Variants in RALYL observed in about 807,000 individuals in gnomAD.
RALYL encodes the protein RNA-binding Raly-like protein.
Under a neutral mutation model 35.1 loss-of-function variants are expected in RALYL, and 29 were observed. That is an observed-to-expected ratio of 0.83 (90% confidence interval 0.61 to 1.13). RALYL has a LOEUF of 1.13. RALYL is among the 50% of genes most tolerant of loss of function. The pLI, the probability that RALYL is intolerant of heterozygous loss-of-function variation, is 0.00. For missense variants in RALYL, 359 were observed against 360.4 expected (o/e 1.00, Z 0.03); for synonymous variants, 120 against 127.6 (o/e 0.94, Z 0.40).
chr8:84,628,673 G>T (rs182252747), intron 2 of RALYL, among the ~76,000 whole-genome samples: 21 of 152,120 alleles, frequency 1.4e-4, no homozygotes, highest in Admixed American at 7.2e-4. Flanking sequence ...TGATGGGGAG[G>T]ACCATCACGG....
chr8:84,620,264 C>T (rs1424565107), intron 2 of RALYL, among the ~76,000 whole-genome samples: 1 of 152,180 alleles, frequency 6.6e-6, no homozygotes, highest in Non-Finnish European at 1.5e-5. Flanking sequence ...TTCACATAGT[C>T]CCATATTTCT....
In RALYL at chr8:84,356,568, T is replaced by A. The variant is rs562956673; in HGVS notation, c.-24+172144T>A. Among the ~76,000 whole-genome samples, 381 of 150,056 alleles carry A rather than the reference T, an allele frequency of 2.5e-3. 17 individuals are homozygous for A. The highest frequency in any genetic ancestry group is 5.2e-3 in the East Asian group (27 of 5,154). On this transcript the variant is annotated intron_variant, in intron 1 of 8. Transcript: ENST00000521268. ...TCTTATCCCTTTTATAATAAGCAAATTTTTTACCTCCAAGACTCCAGAAGA... is the reference window on the plus strand; with the variant it reads ...TCTTATCCCTTTTATAATAAGCAAAATTTTTACCTCCAAGACTCCAGAAGA...
intron 1 of RALYL, among the ~76,000 whole-genome samples, chr8:84,228,164 A>C (rs1824424675): frequency 6.6e-6 from 1 of 151,930 alleles, no homozygotes; most frequent in African/African-American, 2.4e-5. Context: ...CAAAAAAAAA[A>C]AAAAAAAAAA....
At chr8:84,790,175 T>TA (rs1475372914) in intron 3 of RALYL, among the ~76,000 whole-genome samples, 1 of 152,142 alleles carries the variant, frequency 6.6e-6, no homozygotes, top group Admixed American at 6.5e-5. Flanking sequence ...CCTGGAATGT[T>TA]AATTGAAAAA....
intron 4 of RALYL, among the ~76,000 whole-genome samples, chr8:84,816,191 A>AT (rs1216755127): frequency 1.3e-5 from 2 of 152,178 alleles, no homozygotes; most frequent in Non-Finnish European, 2.9e-5. Context: ...GGAATCAAAG[A>AT]TCCTTCATTT....
At chr8:84,507,605 C>T (rs1689357155) in intron 1 of RALYL, among the ~76,000 whole-genome samples, 1 of 152,108 alleles carries the variant, frequency 6.6e-6, no homozygotes, top group South Asian at 2.1e-4. Context: ...TTTTTGTTTG[C>T]TCCTTGTTGC....
In RALYL at chr8:84,843,893, G is replaced by T. The variant is rs1323010401; in HGVS notation, c.366-6087G>T. 2.0e-5 allele frequency among the ~76,000 whole-genome samples: 3 copies of T among 152,316 alleles called. No homozygotes were observed. The East Asian group carries it at 5.8e-4, about 29-fold the overall frequency. ...AAGGATTCCCTATTTAATAAATGGT[G>T]CTGGGAAAACTGGCTAGCCATATGT... On this transcript the variant is annotated intron_variant, in intron 4 of 8. Coordinates refer to ENST00000521268, the MANE Select transcript of RALYL (RefSeq NM_173848.7).
intron 2 of RALYL, among the ~76,000 whole-genome samples, chr8:84,575,249 A>G (rs916931860): frequency 1.3e-5 from 2 of 152,210 alleles, no homozygotes; most frequent in Non-Finnish European, 1.5e-5. Flanking sequence ...GTTTATAAAC[A>G]TAAACATAAA....
At chr8:84,655,182 C>G (rs1490919867) in intron 2 of RALYL, among the ~76,000 whole-genome samples, 1 of 152,104 alleles carries the variant, frequency 6.6e-6, no homozygotes, top group Admixed American at 6.6e-5. Flanking sequence ...TTGCATTTCT[C>G]TGAAGATCAG....
At chr8:84,242,072 A>G (rs149713397) in intron 1 of RALYL, among the ~76,000 whole-genome samples, 2,889 of 152,200 alleles carry the variant, frequency 0.019, 42 homozygotes, top group Non-Finnish European at 0.031. Context: ...CTCATCGTTC[A>G]GCTCCCACTT....
At chr8:84,409,601 A>AT (rs1196194411) in intron 1 of RALYL, among the ~76,000 whole-genome samples, 1 of 152,070 alleles carries the variant, frequency 6.6e-6, no homozygotes, top group Non-Finnish European at 1.5e-5. Context: ...ATTTCTGTAT[A>AT]TTAATGTTTC....
intron 1 of RALYL, among the ~76,000 whole-genome samples, chr8:84,370,008 T>A (rs1472891750): frequency 6.6e-6 from 1 of 152,100 alleles, no homozygotes; most frequent in Non-Finnish European, 1.5e-5. Flanking sequence ...CCTTTGTTCA[T>A]CTTAATTCCA....
chr8:84,770,570 T>G (rs1462658925), intron 2 of RALYL, among the ~76,000 whole-genome samples: 1 of 152,156 alleles, frequency 6.6e-6, no homozygotes, highest in Non-Finnish European at 1.5e-5. Flanking sequence ...TACCCAGTAG[T>G]GGGGCTGCTG....
chr8:84,486,734 A>G (rs1274252117), intron 1 of RALYL, among the ~76,000 whole-genome samples: 1 of 152,096 alleles, frequency 6.6e-6, no homozygotes, highest in African/African-American at 2.4e-5. Context: ...ATTGAAAGTG[A>G]AATAAATTTT....
At chr8:84,235,941 A>AT (rs1476814268) in intron 1 of RALYL, among the ~76,000 whole-genome samples, 1 of 151,156 alleles carries the variant, frequency 6.6e-6, no homozygotes, top group Non-Finnish European at 1.5e-5. Flanking sequence ...TAATTTTTGT[A>AT]TTTTTAGTAG....
At chr8:84,833,858 A>G (rs1586638298) in intron 4 of RALYL, among the ~76,000 whole-genome samples, 1 of 151,698 alleles carries the variant, frequency 6.6e-6, no homozygotes, top group East Asian at 1.9e-4. Context: ...TTTGAAGACA[A>G]TGAAATTATT....
rs76054397 is a variant in RALYL at position 84,604,815 on chromosome 8, C to T, written c.256+75238C>T. 2.0e-3 allele frequency among the ~76,000 whole-genome samples: 306 copies of T among 152,218 alleles called. 2 individuals are homozygous for T. Among genetic ancestry groups the T allele is most frequent in the African/African-American group, 7.2e-3 (300 of 41,550 alleles). On this transcript the variant is annotated intron_variant, in intron 2 of 8. Coordinates refer to ENST00000521268, the MANE Select transcript of RALYL (RefSeq NM_173848.7). ...TCTTTTTTAGAAGACGAAGAATGCT[C>T]TGTAGCTTTTACTTATTATATGTGA...
chr8:84,704,480 C>CACACACACACACAACA (rs145150857), intron 2 of RALYL, among the ~76,000 whole-genome samples: 1 of 139,508 alleles, frequency 7.2e-6, no homozygotes, highest in Non-Finnish European at 1.5e-5. Context: ...CACACACACA[C>CACACACACACACAACA]ACAACAACTC....
At chr8:84,561,420 T>C (rs2061461804) in intron 2 of RALYL, among the ~76,000 whole-genome samples, 1 of 151,724 alleles carries the variant, frequency 6.6e-6, no homozygotes. Context: ...GGTCCGGTAG[T>C]CCCCCCTATC....
Sources: gnomAD v4.1 joint callset for allele counts (sites outside exome capture counted in the v4.1 genomes callset) on GRCh38, gnomAD v4.1.1 for gene constraint, MANE v1.5 for transcripts, NCBI Gene and HGNC (gene_info 2026-07-23, HGNC 2026-07-21) for gene names.